ZNF292: variants seen among roughly 807,000 people sequenced by gnomAD.
The protein encoded by ZNF292 is zinc finger protein 292.
Under a neutral mutation model 217.9 loss-of-function variants are expected in ZNF292, and 26 were observed. The ratio of observed to expected loss-of-function variants is 0.12; its 90% CI spans 0.09 to 0.17. ZNF292 has a LOEUF of 0.17. Ranked by LOEUF, ZNF292 falls within the 10% of genes least tolerant of loss-of-function variation. The pLI, the probability that ZNF292 is intolerant of heterozygous loss-of-function variation, is 1.00. For synonymous variants in ZNF292, 1,257 were observed against 1,124.1 expected, an observed-to-expected ratio of 1.12 and a Z score of -2.37; for missense variants, 2,904 against 3,175.2, an observed-to-expected ratio of 0.91 and a Z score of 2.05.
chr6:87,230,984 C>T (rs373400805), intron 4 of ZNF292, among the ~76,000 whole-genome samples: 3 of 152,012 alleles, frequency 2.0e-5, no homozygotes, highest in African/African-American at 7.3e-5. Flanking sequence ...GTGGGAAAAG[C>T]AGACTAGGGA....
chr6:87,250,449 A>G (rs939274922), intron 7 of ZNF292, among the ~76,000 whole-genome samples: 14 of 152,290 alleles, frequency 9.2e-5, no homozygotes, highest in South Asian at 4.1e-4. Flanking sequence ...CCCTGTCTCA[A>G]AAAAGAAAAG....
Position 87,233,459 on chromosome 6 carries a change from G to A in ZNF292, c.673G>A (p.Gly225Ser). Residue 225 changes from glycine to serine, a missense_variant, in exon 5 of 8, where the codon GGT becomes AGT. By Grantham distance (56) the Gly-to-Ser change is moderately conservative. Transcript: ENST00000369577. ...TGACCATCCAGAGATTGGCATAAAAGGTAGTTTTAAGCAAACTTACCTTGT... is the reference window on the plus strand; with the variant it reads ...TGACCATCCAGAGATTGGCATAAAAAGTAGTTTTAAGCAAACTTACCTTGT... Reference protein sequence around the residue: ...CSDHPEIGIKGSFKQTYLVCL... With the variant: ...CSDHPEIGIKSSFKQTYLVCL... 6.2e-7 allele frequency: 1 copy of A among 1,613,518 alleles called. No individual in the cohort carries two copies. Among genetic ancestry groups the A allele is most frequent in the Non-Finnish European group, 8.5e-7 (1 of 1,179,678 alleles).
At chr6:87,235,914 A>G (rs1242239973) in intron 5 of ZNF292, among the ~76,000 whole-genome samples, 2 of 152,254 alleles carry the variant, frequency 1.3e-5, no homozygotes, top group Non-Finnish European at 2.9e-5. Context: ...CACTACACAT[A>G]TATAGTAACA....
intron 1 of ZNF292, among the ~76,000 whole-genome samples, chr6:87,192,967 A>C (rs569402816): frequency 2.0e-5 from 3 of 152,334 alleles, no homozygotes; most frequent in African/African-American, 7.2e-5. Flanking sequence ...TATATGAAGA[A>C]TCTTGAAGCA....
chr6:87,248,266 A>G (rs533278424), intron 7 of ZNF292, among the ~76,000 whole-genome samples: 122 of 152,328 alleles, frequency 8.0e-4, no homozygotes, highest in African/African-American at 2.6e-3. Flanking sequence ...ATCCCTCTTT[A>G]TAAGTACCTT....
chr6:87,188,090 A>G (rs919072830), intron 1 of ZNF292, among the ~76,000 whole-genome samples: 10 of 152,344 alleles, frequency 6.6e-5, no homozygotes, highest in African/African-American at 2.4e-4. Context: ...AAAAGACTGT[A>G]TGAGCCAAAT....
intron 6 of ZNF292, among the ~76,000 whole-genome samples, 169 bp from the exon 7 acceptor site, chr6:87,245,329 GATTTT>G (rs1774516960): frequency 6.6e-6 from 1 of 152,088 alleles, no homozygotes; most frequent in Non-Finnish European, 1.5e-5. Flanking sequence ...ATCATATTCT[GATTTT>G]ATTTGGTATT....
chr6:87,190,417 A>T (rs915027352), intron 1 of ZNF292, among the ~76,000 whole-genome samples: 1 of 152,096 alleles, frequency 6.6e-6, no homozygotes, highest in Non-Finnish European at 1.5e-5. Context: ...TTATCAGGAA[A>T]TGGAGTTGTT....
intron 1 of ZNF292, among the ~76,000 whole-genome samples, chr6:87,172,838 T>TCGAGGTTGCAGTGATC (rs1313876449): frequency 6.6e-6 from 1 of 151,284 alleles, no homozygotes; most frequent in South Asian, 2.1e-4. Context: ...GCCTGGGAAG[T>TCGAGGTTGCAGTGATC]CGAGGTTGCA....
chr6:87,240,679 C>T (rs950175735), intron 5 of ZNF292, among the ~76,000 whole-genome samples: 1 of 152,106 alleles, frequency 6.6e-6, no homozygotes, highest in African/African-American at 2.4e-5. Context: ...ATTGGCTTCC[C>T]AAAGTGCTGG....
intron 1 of ZNF292, among the ~76,000 whole-genome samples, chr6:87,161,426 A>G (rs898371818): frequency 2.9e-4 from 44 of 152,246 alleles, no homozygotes; most frequent in African/African-American, 1.0e-3. Context: ...GTTTTGCTTT[A>G]TTTTTATTTT....
intron 5 of ZNF292, among the ~76,000 whole-genome samples, chr6:87,238,988 C>T (rs1188004416): frequency 6.6e-6 from 1 of 152,212 alleles, no homozygotes; most frequent in Non-Finnish European, 1.5e-5. Context: ...CAGAGAGCAC[C>T]AGGTTGGGGG....
At chr6:87,249,562 T>C (rs999557268) in intron 7 of ZNF292, 1 of 161,348 alleles carries the variant, frequency 6.2e-6, no homozygotes, top group Non-Finnish European at 1.4e-5. Flanking sequence ...AGAGGTTTTA[T>C]CTTAAAACTA....
Position 87,255,393 on chromosome 6 carries a change from C to G in ZNF292, c.1764C>G (p.Val588=). 1 of 1,613,726 alleles carries G rather than the reference C, an allele frequency of 6.2e-7. No individual in the cohort carries two copies. The highest frequency in any genetic ancestry group is 8.5e-7 in the Non-Finnish European group (1 of 1,179,814). The change falls in exon 8 of 8, where the codon GTC becomes GTG. Residue 588 remains valine (V), a synonymous_variant. Coordinates refer to ENST00000369577, the MANE Select transcript of ZNF292 (RefSeq NM_015021.3). ...CTAAAGAAACTTTTGTCCCTCATGT[C>G]ACACTGCATGTTAAACAATCTAGTA... The part of the protein sequence containing the change: ...FNSKETFVPH[V]TLHVKQSSKE...
intron 1 of ZNF292, among the ~76,000 whole-genome samples, chr6:87,178,550 T>C (rs945647001): frequency 6.6e-6 from 1 of 152,218 alleles, no homozygotes; most frequent in Non-Finnish European, 1.5e-5. Context: ...TAAAGTTATA[T>C]GCCAGGAACT....
At chr6:87,191,522 C>A (rs1190217547) in intron 1 of ZNF292, among the ~76,000 whole-genome samples, 1 of 152,048 alleles carries the variant, frequency 6.6e-6, no homozygotes, top group African/African-American at 2.4e-5. Context: ...TTTTCTGGAA[C>A]CAGAATTTTT....
chr6:87,191,173 C>T (rs1420759408), intron 1 of ZNF292, among the ~76,000 whole-genome samples: 1 of 151,830 alleles, frequency 6.6e-6, no homozygotes, highest in African/African-American at 2.4e-5. Context: ...TATGGACATT[C>T]TATAATGTGT....
chr6:87,244,311 A>C (rs1414725004), intron 6 of ZNF292, among the ~76,000 whole-genome samples: 4 of 152,224 alleles, frequency 2.6e-5, no homozygotes, highest in Non-Finnish European at 5.9e-5. Context: ...TAGTATATGC[A>C]ATACAGAGAG....
chr6:87,196,628 AAGTTGAT>A (rs1771959772), intron 1 of ZNF292, among the ~76,000 whole-genome samples: 1 of 152,310 alleles, frequency 6.6e-6, no homozygotes, highest in African/African-American at 2.4e-5. Flanking sequence ...CACTTACTCA[AAGTTGAT>A]ATACTGTGGT....
Sources: gnomAD v4.1 joint callset for allele counts (sites outside exome capture counted in the v4.1 genomes callset) on GRCh38, gnomAD v4.1.1 for gene constraint, MANE v1.5 for transcripts, NCBI Gene and HGNC (gene_info 2026-07-23, HGNC 2026-07-21) for gene names.